The following COL4A3 variants were observed in gnomAD, a reference collection of about 807,000 sequenced individuals.
COL4A3 encodes the protein collagen type IV alpha 3 chain, also known as collagen alpha-3(IV) chain.
A neutral mutation model predicts 217.4 loss-of-function variants in COL4A3; 135 were observed. The observed-to-expected ratio is 0.62, with a 90% CI of 0.54 to 0.72. COL4A3 has a LOEUF of 0.72. COL4A3 is among the 30% of genes least tolerant of loss of function. The pLI is 0.00. For synonymous variants in COL4A3, 690 were observed against 736.3 expected, an observed-to-expected ratio of 0.94 and a Z score of 1.02; for missense variants, 1,868 against 2,119.9, an observed-to-expected ratio of 0.88 and a Z score of 2.33.
At position 227,248,151 on chromosome 2, in the gene COL4A3, G is replaced by C. The variant is rs146191303; in HGVS notation, c.469-292G>C. Among the ~76,000 whole-genome samples the C allele has an allele frequency of 0.014, 2,087 of 152,216 alleles. 45 individuals carry two copies. The highest frequency in any genetic ancestry group is 0.048 in the African/African-American group (1,973 of 41,532). ...AATGGGGTTTTGCCATGTTGGCCAG[G>C]CTGGTCTTGAACTCCTGACCTCGGG... On this transcript the variant is annotated intron_variant, in intron 8 of 51. Transcript: ENST00000396578.
intron 27 of COL4A3, among the ~76,000 whole-genome samples, chr2:227,276,760 G>A (rs1181373517): frequency 1.3e-5 from 2 of 152,206 alleles, no homozygotes; most frequent in Non-Finnish European, 2.9e-5. Context: ...CCGTTCTGGA[G>A]TTTTGGTGGG....
chr2:227,290,221 G>A (rs1457356710), intron 36 of COL4A3, 133 bp downstream of exon 36: 1 of 819,088 alleles, frequency 1.2e-6, no homozygotes, highest in African/African-American at 1.7e-5. Flanking sequence ...TGCGGGGCCG[G>A]GCACGGTGGC....
At chr2:227,184,059 T>C (rs2065938245) in intron 1 of COL4A3, among the ~76,000 whole-genome samples, 1 of 152,212 alleles carries the variant, frequency 6.6e-6, no homozygotes, top group African/African-American at 2.4e-5. Flanking sequence ...CCTAAATCAC[T>C]TCTGTTGCTT....
At chr2:227,165,498 T>A (rs1023629049) in intron 1 of COL4A3, among the ~76,000 whole-genome samples, 2 of 152,352 alleles carry the variant, frequency 1.3e-5, no homozygotes, top group South Asian at 4.1e-4. Flanking sequence ...CCATATTTCT[T>A]ATTCTTTGCC....
At chr2:227,286,738 G>A (rs2072351416) in intron 34 of COL4A3, among the ~76,000 whole-genome samples, 1 of 152,124 alleles carries the variant, frequency 6.6e-6, no homozygotes, top group African/African-American at 2.4e-5. Context: ...CTTAAATGTT[G>A]AATAAGATTC....
rs1260966222 is a variant in COL4A3, at chr2:227,164,770, C to G, written c.44C>G (p.Pro15Arg). The G allele has an allele frequency of 2.0e-6, 3 of 1,522,548 alleles. No homozygotes were observed. The highest frequency in any genetic ancestry group is 2.8e-5 in the African/African-American group (2 of 70,376). The allele number at this position is 1,522,548 out of a possible 1,614,324, so 94.3% of individuals were successfully genotyped here. Residue 15 changes from proline (P) to arginine (R), a missense_variant, in exon 1 of 52, where the codon CCG becomes CGG. Pro to Arg is a moderately radical substitution (Grantham distance 103). Coordinates refer to ENST00000396578, the MANE Select transcript of COL4A3 (RefSeq NM_000091.5). This position sits in a 1 kb window ranked among gnomAD's most constrained non-coding sequence, Gnocchi z 4.8. ...TAPRPQVLLL[P>R]LLLVLLAAAP... ...CCCAGGCCGCAGGTGCTCCTGCTGC[C>G]GCTCCTGCTGGTGCTCCTGGCGGCG...
chr2:227,305,033 C>T lies in COL4A3; in HGVS notation c.4202C>T (p.Thr1401Ile). Residue 1401 changes from threonine (T) to isoleucine (I), a missense_variant, in exon 47 of 52, where the codon ACT becomes ATT. Around this residue, in one of 2 missense-constraint regions of COL4A3, gnomAD observed 1,503 missense variants for 1,786.1 expected, o/e 0.84. Transcript: ENST00000396578. ...CCAGGCAAGGATGGAAAACCAGGAA[C>T]TCCTGGACCAGCTGGAGAAAAAGGC... ...GKPGKDGKPG[T>I]PGPAGEKGNK... is the part of the protein sequence containing the mutation. 1 of 1,613,990 alleles carries T rather than the reference C, an allele frequency of 6.2e-7. No individual in the cohort carries two copies. The highest frequency in any genetic ancestry group is 8.5e-7 in the Non-Finnish European group (1 of 1,179,926).
chr2:227,304,418 G>C, intron 46 of COL4A3: 1 of 415,682 alleles, frequency 2.4e-6, no homozygotes, highest in Non-Finnish European at 4.4e-6. Context: ...GTAAAGGTAT[G>C]TCTATCTCCT....
At chr2:227,222,156 TAATAATAATGATAATGATAATAA>T (rs902694162) in intron 1 of COL4A3, among the ~76,000 whole-genome samples, 14 of 96,762 alleles carry the variant, frequency 1.4e-4, no homozygotes, top group Admixed American at 3.0e-4. Flanking sequence ...ATAATAATAA[TAATAATAATGATAATGATAATAA>T]AAAGCTCCTT....
intron 1 of COL4A3, chr2:227,228,346 C>T (rs1574626719): frequency 6.6e-6 from 1 of 152,624 alleles, no homozygotes; most frequent in African/African-American, 2.4e-5. Context: ...CAGAGGACAG[C>T]TCGTGGCGTC....
chr2:227,195,732 G>A (rs2066449213), intron 1 of COL4A3, among the ~76,000 whole-genome samples: 1 of 148,142 alleles, frequency 6.8e-6, no homozygotes, highest in Admixed American at 6.7e-5. Flanking sequence ...GCCTCAGGCA[G>A]GTCCTTCAGG....
At position 227,253,270 on chromosome 2, in the gene COL4A3, T is replaced by C. The variant is rs768687640; in HGVS notation, c.646-26T>C. On this transcript the variant is annotated intron_variant, in intron 11 of 51. Transcript: ENST00000396578. The surrounding 1 kb of genome is among the most constrained non-coding windows in gnomAD (Gnocchi z 4.4). ...TTTATTCATATTTATTTTTAGAAAA[T>C]AATTTGGTTTTGTGTTTTCTTACAG... The C allele has an allele frequency of 2.1e-5, 33 of 1,599,486 alleles. No homozygotes were observed. In the Admixed American group the frequency reaches 4.8e-4, roughly 23 times the overall value.
chr2:227,247,561 G>A lies in COL4A3; in HGVS notation c.445G>A (p.Ala149Thr), dbSNP rs1179349925. 1.9e-6 allele frequency: 3 copies of A among 1,614,042 alleles called. No homozygotes were observed. Among genetic ancestry groups the A allele is most frequent in the South Asian group, 2.2e-5 (2 of 91,082 alleles). Residue 149 changes from alanine (A) to threonine (T), a missense_variant, in exon 8 of 52, where the codon GCT becomes ACT. Ala to Thr is a moderately conservative substitution (Grantham distance 58). Transcript: ENST00000396578. ...GTLGYPGIPG[A>T]AGLKGQKGAP... ...TCATAGGTTGCTTTTTTCCTAGGGT[G>A]CTGCTGGTTTGAAAGGACAAAAGGT...
intron 1 of COL4A3, among the ~76,000 whole-genome samples, chr2:227,202,592 G>A (rs112318833): frequency 0.14 from 21,498 of 150,954 alleles, 1,669 homozygotes; most frequent in Non-Finnish European, 0.16. Context: ...AAAATTAGCC[G>A]GGCGCGGTGG....
Position 227,280,991 on chromosome 2 carries a change from T to C in COL4A3, c.2473T>C (p.Leu825=), listed in dbSNP as rs1216458901. Residue 825 remains leucine (L), a synonymous_variant, in exon 31 of 52, where the codon TTG becomes CTG. Coordinates refer to ENST00000396578, the MANE Select transcript of COL4A3 (RefSeq NM_000091.5). The part of the protein sequence containing the change: ...GAQGLPGLNG[L]KGQQGRRGKT... ...CCAAGGACTTCCAGGCTTAAATGGA[T>C]TGAAAGGGCAACAAGGTAGGAGGAG... 11 of 1,561,470 alleles carry C rather than the reference T, an allele frequency of 7.0e-6. No homozygotes were observed. The highest frequency in any genetic ancestry group is 8.7e-6 in the Non-Finnish European group (10 of 1,152,226).
At chr2:227,182,799 A>C (rs2065900134) in intron 1 of COL4A3, among the ~76,000 whole-genome samples, 1 of 152,218 alleles carries the variant, frequency 6.6e-6, no homozygotes, top group African/African-American at 2.4e-5. Context: ...ACAGAATATC[A>C]ATCAAACCCC....
chr2:227,298,838 C>A (rs373980290), intron 43 of COL4A3, 26 bp downstream of exon 43: 60 of 1,604,256 alleles, frequency 3.7e-5, no homozygotes, highest in Non-Finnish European at 4.9e-5. Flanking sequence ...TATTTTGACT[C>A]ATTATTAATT....
intron 1 of COL4A3, among the ~76,000 whole-genome samples, chr2:227,182,300 G>A (rs1419337762): frequency 6.6e-6 from 1 of 152,158 alleles, no homozygotes; most frequent in Non-Finnish European, 1.5e-5. Flanking sequence ...ACTCACGACA[G>A]CTATGAATCT....
intron 50 of COL4A3, 151 bp downstream of exon 50, chr2:227,309,469 C>T (rs1559923847): frequency 6.0e-6 from 3 of 496,822 alleles, no homozygotes; most frequent in Admixed American, 6.0e-5. Context: ...TACAAACAGA[C>T]TTTTTTTTTT....
Sources: gnomAD v4.1 joint callset for allele counts (sites outside exome capture counted in the v4.1 genomes callset) on GRCh38, gnomAD v4.1.1 for gene constraint, gnomAD v4.1.1 regional missense constraint, Gnocchi (gnomAD v3.1) non-coding constraint, MANE v1.5 for transcripts, NCBI Gene and HGNC (gene_info 2026-07-23, HGNC 2026-07-21) for gene names.